The following KLF15 variants were observed in gnomAD, a reference collection of about 807,000 sequenced individuals.
KLF15 encodes the protein KLF transcription factor 15, also known as Krueppel-like factor 15.
KLF15 carries 4 observed loss-of-function variants against 24.6 expected under a neutral mutation model. The observed-to-expected ratio is 0.16, with a 90% CI of 0.08 to 0.37. The LOEUF (loss-of-function observed/expected upper bound fraction) is 0.37. Ranked by LOEUF, KLF15 falls within the 10% of genes least tolerant of loss-of-function variation. The pLI is 1.00. For synonymous variants in KLF15, 246 were observed against 236.3 expected (o/e 1.04, Z -0.37); for missense variants, 496 against 560.6 (o/e 0.88, Z 1.16).
At chr3:126,304,156 T>C in the KLF15 span, among the ~76,000 whole-genome samples, 1 of 152,296 alleles carries the variant, frequency 6.6e-6, no homozygotes, top group Non-Finnish European at 1.5e-5. Context: ...TTTTACTATG[T>C]TTGTGCTGGC....
At chr3:126,322,188 A>AAATTC in the KLF15 span, among the ~76,000 whole-genome samples, 1 of 152,198 alleles carries the variant, frequency 6.6e-6, no homozygotes, top group Non-Finnish European at 1.5e-5. Context: ...TTCTACCTGG[A>AAATTC]TAAATTTCTT....
the KLF15 span, among the ~76,000 whole-genome samples, chr3:126,320,004 G>A: frequency 6.6e-6 from 1 of 152,294 alleles, no homozygotes; most frequent in African/African-American, 2.4e-5. Context: ...TGGCGGGTGG[G>A]GAAGCTGGCC....
the KLF15 span, among the ~76,000 whole-genome samples, chr3:126,316,439 T>TGAGTGGGGAAGGGATACTATAGGCCG: frequency 1.7e-5 from 2 of 118,500 alleles, no homozygotes; most frequent in Non-Finnish European, 3.5e-5. Context: ...TGCATGGGCC[T>TGAGTGGGGAAGGGATACTATAGGCCG]GAGTGGGGAA....
chr3:126,300,381 C>T, the KLF15 span, among the ~76,000 whole-genome samples: 1 of 152,204 alleles, frequency 6.6e-6, no homozygotes, highest in Admixed American at 6.5e-5. Context: ...CCCTGTGCAG[C>T]GCGTCCTCCC....
the KLF15 span, among the ~76,000 whole-genome samples, chr3:126,319,948 G>A: frequency 2.6e-5 from 4 of 152,186 alleles, no homozygotes; most frequent in East Asian, 5.8e-4. Flanking sequence ...AGCCTGGGGA[G>A]GCACAGAATG....
chr3:126,323,489 C>CAT, the KLF15 span, among the ~76,000 whole-genome samples: 1 of 64,932 alleles, frequency 1.5e-5, no homozygotes, highest in Non-Finnish European at 2.8e-5. Context: ...ATATATATAA[C>CAT]ATATATATAT....
At chr3:126,353,474 C>T (rs1309041957) in intron 1 of KLF15, among the ~76,000 whole-genome samples, 1 of 152,210 alleles carries the variant, frequency 6.6e-6, no homozygotes, top group African/African-American at 2.4e-5. Flanking sequence ...AATAAAAATA[C>T]AAGCCAACAG....
the KLF15 span, among the ~76,000 whole-genome samples, chr3:126,330,252 C>T: frequency 6.6e-6 from 1 of 152,184 alleles, no homozygotes; most frequent in Admixed American, 6.5e-5. Flanking sequence ...GGTCAGCAGA[C>T]TCCCAGCCAA....
the KLF15 span, among the ~76,000 whole-genome samples, chr3:126,323,489 C>CATATATATGTT: frequency 4.6e-5 from 3 of 64,946 alleles, no homozygotes; most frequent in South Asian, 4.9e-4. Context: ...ATATATATAA[C>CATATATATGTT]ATATATATAT....
the KLF15 span, among the ~76,000 whole-genome samples, chr3:126,314,958 G>A: frequency 6.6e-6 from 1 of 152,226 alleles, no homozygotes; most frequent in East Asian, 1.9e-4. Context: ...GGCCGCAGAT[G>A]TCTCTTGTCT....
chr3:126,294,745 T>C, the KLF15 span, among the ~76,000 whole-genome samples: 3 of 151,388 alleles, frequency 2.0e-5, no homozygotes, highest in African/African-American at 7.3e-5. Flanking sequence ...GAAAATCGGG[T>C]TCCTTCTTTC....
chr3:126,303,522 CTG>C, the KLF15 span, among the ~76,000 whole-genome samples: 1 of 151,998 alleles, frequency 6.6e-6, no homozygotes, highest in Non-Finnish European at 1.5e-5. Flanking sequence ...CTTTGTCCCT[CTG>C]TATGTAATAT....
the KLF15 span, among the ~76,000 whole-genome samples, chr3:126,299,747 C>CA: frequency 0.031 from 1,759 of 55,942 alleles, 160 homozygotes; most frequent in African/African-American, 0.075. Context: ...CACTCCATCT[C>CA]AAAAAAAAAA....
At position 126,343,071 on chromosome 3, in the gene KLF15, C is replaced by T. The variant is rs976612884; in HGVS notation, c.*656G>A. ...GGCTCTGTCTGCCCTGCACATTTAA[C>T]TCAAGCACATGCACTGCCAGCCCCC... is the stretch of plus-strand genomic sequence containing the variant. On this transcript the variant is annotated 3_prime_UTR_variant, in exon 3 of 3. Transcript: ENST00000296233. 3.7e-4 allele frequency: 53 copies of T among 144,992 alleles called. No individual in the cohort carries two copies. Among genetic ancestry groups the T allele is most frequent in the African/African-American group, 1.2e-3 (49 of 39,508 alleles). The allele number at this position is 144,992 out of a possible 1,614,324, so 9.0% of individuals were successfully genotyped here. A position where few individuals can be genotyped will look rare whatever the true frequency, so the allele number is the denominator to read the frequency against.
intron 2 of KLF15, among the ~76,000 whole-genome samples, chr3:126,351,295 C>T (rs1281137325): frequency 6.6e-6 from 1 of 152,266 alleles, no homozygotes; most frequent in Non-Finnish European, 1.5e-5. Context: ...TGTCCAGAGA[C>T]ATCTGTGAAT....
the KLF15 span, among the ~76,000 whole-genome samples, chr3:126,319,991 AGGTGGCG>A: frequency 6.6e-6 from 1 of 152,174 alleles, no homozygotes; most frequent in Non-Finnish European, 1.5e-5. Flanking sequence ...AGATGAGTGG[AGGTGGCG>A]GGTGGGGAAG....
the KLF15 span, among the ~76,000 whole-genome samples, chr3:126,331,857 G>A: frequency 1.2e-3 from 180 of 152,312 alleles, 1 homozygote; most frequent in African/African-American, 3.5e-3. Context: ...AAGGGGTGAC[G>A]GATGCACCTG....
the KLF15 span, among the ~76,000 whole-genome samples, chr3:126,299,680 C>T: frequency 5.0e-4 from 66 of 131,776 alleles, no homozygotes; most frequent in African/African-American, 6.3e-4. Flanking sequence ...ACCTGGGAGG[C>T]GGAGCTTGCA....
At chr3:126,342,191 G>C (rs1391899305), downstream of KLF15, among the ~76,000 whole-genome samples, 2 of 152,200 alleles carry the variant, frequency 1.3e-5, no homozygotes, top group East Asian at 1.9e-4. Context: ...ACGCCAGTAG[G>C]AAATGGCACA....
Sources: allele counts gnomAD v4.1 joint callset (sites outside exome capture counted in the v4.1 genomes callset), GRCh38; gene constraint gnomAD v4.1.1; transcripts MANE v1.5; gene names NCBI Gene and HGNC (gene_info 2026-07-23, HGNC 2026-07-21).